LSG1: variants seen among roughly 807,000 people sequenced by gnomAD.
The protein encoded by LSG1 is large 60S subunit nuclear export GTPase 1.
Under a neutral mutation model 82.6 loss-of-function variants are expected in LSG1, and 55 were observed. The ratio of observed to expected loss-of-function variants is 0.67; its 90% CI spans 0.54 to 0.83. LSG1 has a LOEUF of 0.83. Among genes scored for constraint, LSG1 ranks in the 40% least tolerant of loss-of-function variants. The pLI is 0.00. For missense variants in LSG1, 809 were observed against 807.9 expected, an observed-to-expected ratio of 1.00 and a Z score of -0.02; for synonymous variants, 272 against 282.5, an observed-to-expected ratio of 0.96 and a Z score of 0.37.
Position 194,641,902 on chromosome 3 carries a change from A to T in LSG1, c.*166T>A. 1.6e-6 allele frequency: 1 copy of T among 627,676 alleles called. No homozygotes were observed. The highest frequency in any genetic ancestry group is 2.6e-6 in the Non-Finnish European group (1 of 382,922). The allele number at this position is 627,676 out of a possible 1,614,324, so 38.9% of individuals were successfully genotyped here. A position where few individuals can be genotyped will look rare whatever the true frequency, so the allele number is the denominator to read the frequency against. On this transcript the variant is annotated 3_prime_UTR_variant, in exon 14 of 14. Transcript: ENST00000265245. ...CCTTTTTGTCAGAGTTGGTGTTTCCAGGAGGCCCTTGGTCTTGACATGGAG... is the reference window on the plus strand; with the variant it reads ...CCTTTTTGTCAGAGTTGGTGTTTCCTGGAGGCCCTTGGTCTTGACATGGAG...
At chr3:194,653,463 C>T (rs1024478128) in intron 7 of LSG1, among the ~76,000 whole-genome samples, 3 of 150,948 alleles carry the variant, frequency 2.0e-5, no homozygotes, top group East Asian at 2.0e-4. Flanking sequence ...TGCAGTGAGC[C>T]GAGATGGTGC....
At chr3:194,643,464 G>A (rs1330286228) in intron 13 of LSG1, among the ~76,000 whole-genome samples, 1 of 152,104 alleles carries the variant, frequency 6.6e-6, no homozygotes, top group Non-Finnish European at 1.5e-5. Context: ...AGCATCACTA[G>A]TAATTAGGGA....
chr3:194,645,559 CACACACACACAGACAG>C lies in LSG1; in HGVS notation c.1623+589_1623+604del, dbSNP rs1560219782. Among the ~76,000 whole-genome samples, 235 of 47,200 alleles carry C rather than the reference CACACACACACAGACAG, an allele frequency of 5.0e-3. 20 individuals carry two copies. Among genetic ancestry groups the C allele is most frequent in the East Asian group, 0.016 (18 of 1,096 alleles). 31.0% of individuals were successfully genotyped at this position (47,200 alleles called of 152,430 possible). On this transcript the variant is annotated intron_variant, in intron 12 of 13. Coordinates refer to ENST00000265245, the MANE Select transcript of LSG1 (RefSeq NM_018385.3). ...AGACACACACACACACACACACACA[CACACACACACAGACAG>C]ACACACACACACACACACACACACA...
chr3:194,666,404 C>G, intron 3 of LSG1, 48 bp downstream of exon 3: 1 of 1,607,858 alleles, frequency 6.2e-7, no homozygotes. Flanking sequence ...AATGAATACT[C>G]AGCAGCCTCG....
In LSG1 at chr3:194,641,991, C is replaced by T; in HGVS notation, c.*77G>A. ...GTTCTACAGTGCTAGTGTCTTGGGA[C>T]GGTTCCACAGGCAACAGGCAGCTTC... is the stretch of plus-strand genomic sequence containing the variant. On this transcript the variant is annotated 3_prime_UTR_variant, in exon 14 of 14. Coordinates refer to ENST00000265245, the MANE Select transcript of LSG1 (RefSeq NM_018385.3). 1 of 1,499,644 alleles carries T rather than the reference C, an allele frequency of 6.7e-7. No homozygotes were observed. Among genetic ancestry groups the T allele is most frequent in the Non-Finnish European group, 9.1e-7 (1 of 1,099,048 alleles). The allele number at this position is 1,499,644 out of a possible 1,614,324, so 92.9% of individuals were successfully genotyped here.
chr3:194,661,509 A>G (rs543558248), intron 5 of LSG1, among the ~76,000 whole-genome samples: 56 of 152,364 alleles, frequency 3.7e-4, no homozygotes, highest in African/African-American at 1.3e-3. Flanking sequence ...GGGTCTACAC[A>G]GCACAATGGA....
chr3:194,649,681 C>T (rs934916876), intron 10 of LSG1, among the ~76,000 whole-genome samples: 11 of 151,672 alleles, frequency 7.3e-5, no homozygotes, highest in Middle Eastern at 3.4e-3. Flanking sequence ...CAGAGCGAGA[C>T]TCCATCTCAA....
At chr3:194,666,112 A>G in intron 4 of LSG1, 91 bp downstream of exon 4, 1 of 1,148,764 alleles carries the variant, frequency 8.7e-7, no homozygotes, top group Non-Finnish European at 1.3e-6. Flanking sequence ...TAAAAGAATC[A>G]AAACTTCAAA....
At chr3:194,669,881 A>AG in intron 2 of LSG1, 128 bp downstream of exon 2, 1 of 1,075,718 alleles carries the variant, frequency 9.3e-7, no homozygotes, top group South Asian at 1.6e-5. Flanking sequence ...CAGTGAGCTG[A>AG]TATCACGCCA....
chr3:194,643,696 GTA>G (rs1718447025), intron 13 of LSG1, among the ~76,000 whole-genome samples: 1 of 152,092 alleles, frequency 6.6e-6, no homozygotes, highest in African/African-American at 2.4e-5. Flanking sequence ...CCACGCCGAG[GTA>G]TATACTCAAG....
chr3:194,644,796 GC>G lies in LSG1; in HGVS notation c.1624-51del, dbSNP rs761906357. ...CAGTGCAGCCTAAGTGCCATCTGTGGCCTCAGAGGAGACAGCTCCACCCAGT... is the reference window on the plus strand; with the variant it reads ...CAGTGCAGCCTAAGTGCCATCTGTGGCTCAGAGGAGACAGCTCCACCCAGT... On this transcript the variant is annotated intron_variant, in intron 12 of 13. Transcript: ENST00000265245. The G allele has an allele frequency of 4.8e-5, 71 of 1,483,746 alleles. 1 individual carries two copies. In the South Asian group the frequency reaches 9.1e-4, roughly 19 times the overall value. 91.9% of individuals were successfully genotyped at this position (1,483,746 alleles called of 1,614,324 possible). A position where few individuals can be genotyped will look rare whatever the true frequency, so the allele number is the denominator to read the frequency against.
chr3:194,654,968 C>T (rs1045255126), intron 7 of LSG1, among the ~76,000 whole-genome samples: 3 of 152,088 alleles, frequency 2.0e-5, no homozygotes, highest in South Asian at 2.1e-4. Context: ...CCCAAACTTC[C>T]AGGCAAGAAA....
chr3:194,641,074 A>AC lies in LSG1; in HGVS notation c.*993dup, dbSNP rs1446220799. 2.0e-5 allele frequency: 3 copies of AC among 152,196 alleles called. No homozygotes were observed. Among genetic ancestry groups the AC allele is most frequent in the Non-Finnish European group, 4.4e-5 (3 of 68,038 alleles). The allele number at this position is 152,196 out of a possible 1,614,324, so 9.4% of individuals were successfully genotyped here. A position where few individuals can be genotyped will look rare whatever the true frequency, so the allele number is the denominator to read the frequency against. ...CTGCCCCATAATCCCATCGCCTCCC[A>AC]CCAGGGGGCTTACATTTCAACATGA... On this transcript the variant is annotated 3_prime_UTR_variant, in exon 14 of 14. Transcript: ENST00000265245.
chr3:194,645,567 CACAGACAG>C lies in LSG1; in HGVS notation c.1623+589_1623+596del, dbSNP rs773395505. On this transcript the variant is annotated intron_variant, in intron 12 of 13. Transcript: ENST00000265245. Reference sequence around the variant, plus strand: ...ACACACACACACACACACACACACACACAGACAGACACACACACACACACACACACACA... The same window carrying C: ...ACACACACACACACACACACACACACACACACACACACACACACACACACA... Among the ~76,000 whole-genome samples, 13 of 52,686 alleles carry C rather than the reference CACAGACAG, an allele frequency of 2.5e-4. 2 individuals carry two copies. Among genetic ancestry groups the C allele is most frequent in the Non-Finnish European group, 3.6e-4 (9 of 25,346 alleles). 34.6% of individuals were successfully genotyped at this position (52,686 alleles called of 152,430 possible).
At chr3:194,664,708 G>A (rs939129345) in intron 5 of LSG1, among the ~76,000 whole-genome samples, 14 of 151,928 alleles carry the variant, frequency 9.2e-5, no homozygotes, top group African/African-American at 3.4e-4. Context: ...GAGGTCAGGA[G>A]TTCGAGACCA....
At position 194,651,071 on chromosome 3, in the gene LSG1, G is replaced by A. The variant is rs372908052; in HGVS notation, c.1275+44C>T. ...TGAGCTGGGTATACAACAGATAAAA[G>A]GAAGAAAGAGCTGCATGCAAGTGGC... On this transcript the variant is annotated intron_variant, in intron 9 of 13. Coordinates refer to ENST00000265245, the MANE Select transcript of LSG1 (RefSeq NM_018385.3). 21 of 1,613,904 alleles carry A rather than the reference G, an allele frequency of 1.3e-5. No homozygotes were observed. The East Asian group carries it at 2.9e-4, about 22-fold the overall frequency.
At position 194,645,831 on chromosome 3, in the gene LSG1, G is replaced by A. The variant is rs190448933; in HGVS notation, c.1623+333C>T. Among the ~76,000 whole-genome samples, 621 of 152,224 alleles carry A rather than the reference G, an allele frequency of 4.1e-3. 5 individuals are homozygous for A. The highest frequency in any genetic ancestry group is 0.013 in the African/African-American group (530 of 41,516). On this transcript the variant is annotated intron_variant, in intron 12 of 13. Transcript: ENST00000265245. ...CTTTCAAGAAATGTTAGCTGTTATC[G>A]TTACTAGGCAAATATAGAGATAGGC...
At chr3:194,665,841 T>C (rs1272710900) in intron 4 of LSG1, among the ~76,000 whole-genome samples, 198 bp from the exon 5 acceptor site, 4 of 152,248 alleles carry the variant, frequency 2.6e-5, no homozygotes, top group African/African-American at 9.6e-5. Flanking sequence ...TCAAATTTTA[T>C]CCTGAAGCTA....
intron 5 of LSG1, 142 bp from the exon 6 acceptor site, chr3:194,660,275 G>A (rs572475455): frequency 1.0e-4 from 70 of 686,020 alleles, no homozygotes; most frequent in African/African-American, 5.3e-4. Flanking sequence ...AATTATTCCC[G>A]GTTTATATAT....
Sources: allele counts gnomAD v4.1 joint callset (sites outside exome capture counted in the v4.1 genomes callset), GRCh38; gene constraint gnomAD v4.1.1; transcripts MANE v1.5; gene names NCBI Gene and HGNC (gene_info 2026-07-23, HGNC 2026-07-21).